Variants in TENM3 observed in about 807,000 individuals in gnomAD.
TENM3 encodes the protein teneurin-3.
In TENM3, 63 loss-of-function variants were observed where a neutral mutation model predicts 255.1. The observed-to-expected ratio is 0.25, with a 90% CI of 0.20 to 0.30. The LOEUF (loss-of-function observed/expected upper bound fraction) is 0.30. Ranked by LOEUF, TENM3 falls within the 10% of genes least tolerant of loss-of-function variation. The pLI is 1.00. For synonymous variants in TENM3, 1,306 were observed against 1,322.3 expected, an observed-to-expected ratio of 0.99 and a Z score of 0.27; for missense variants, 2,929 against 3,461.1, an observed-to-expected ratio of 0.85 and a Z score of 3.86.
upstream of TENM3, among the ~76,000 whole-genome samples, chr4:182,240,400 A>G (rs1757171703): frequency 6.6e-6 from 1 of 152,142 alleles, no homozygotes; most frequent in African/African-American, 2.4e-5. Context: ...CCCGGCTATC[A>G]TCATAACCTC....
At chr4:181,827,771 C>T in the TENM3 span, among the ~76,000 whole-genome samples, 4 of 152,108 alleles carry the variant, frequency 2.6e-5, no homozygotes, top group Non-Finnish European at 5.9e-5. Flanking sequence ...GAGAGCAGGA[C>T]GATGCCTACC....
chr4:182,116,633 T>C, the TENM3 span, among the ~76,000 whole-genome samples: 1 of 152,162 alleles, frequency 6.6e-6, no homozygotes, highest in Non-Finnish European at 1.5e-5. Context: ...GAACTGTGAG[T>C]CAATTAAGCC....
chr4:181,948,947 C>T, the TENM3 span, among the ~76,000 whole-genome samples: 1 of 152,002 alleles, frequency 6.6e-6, no homozygotes, highest in Non-Finnish European at 1.5e-5. Flanking sequence ...GAGGAACCAT[C>T]CTAAAAGGTC....
the TENM3 span, chr4:181,905,737 A>G: frequency 4.1e-6 from 1 of 244,664 alleles, no homozygotes; most frequent in Non-Finnish European, 8.0e-6. Context: ...AAAGCCTGGT[A>G]TGCTTCCTAA....
chr4:181,588,992 T>C, the TENM3 span, among the ~76,000 whole-genome samples: 1 of 152,320 alleles, frequency 6.6e-6, no homozygotes, highest in African/African-American at 2.4e-5. Context: ...TTCCACTCAG[T>C]GTATTTCATT....
chr4:182,298,620 G>A (rs1761644264), intron 1 of TENM3, among the ~76,000 whole-genome samples: 1 of 152,058 alleles, frequency 6.6e-6, no homozygotes, highest in African/African-American at 2.4e-5. Flanking sequence ...TTGAAAGGAA[G>A]AACTATATCA....
rs147315708 is a variant in TENM3 at position 182,441,176 on chromosome 4, T to C, written c.511+94247T>C. ...CATGTATTAAGTTTATGTTCGGTTT[T>C]ATAATCCTGTAATTTTTATAAACAA... On this transcript the variant is annotated intron_variant, in intron 3 of 27. Transcript: ENST00000511685. Among the ~76,000 whole-genome samples the C allele has an allele frequency of 5.9e-5, 9 of 152,288 alleles. No individual in the cohort carries two copies. The East Asian group carries it at 1.7e-3, about 29-fold the overall frequency.
intron 5 of TENM3, among the ~76,000 whole-genome samples, chr4:182,649,979 T>C (rs893971361): frequency 1.3e-5 from 2 of 150,528 alleles, no homozygotes; most frequent in Admixed American, 6.6e-5. Context: ...TTAACATCCA[T>C]TGCAAACTGC....
chr4:182,312,340 C>T (rs1445413573), intron 1 of TENM3, among the ~76,000 whole-genome samples: 2 of 152,038 alleles, frequency 1.3e-5, no homozygotes, highest in Non-Finnish European at 2.9e-5. Flanking sequence ...CCAGCCTGGG[C>T]AGCAGAGCGA....
chr4:182,054,605 A>C, the TENM3 span, among the ~76,000 whole-genome samples: 4 of 152,274 alleles, frequency 2.6e-5, no homozygotes, highest in African/African-American at 9.6e-5. Flanking sequence ...ATGTCATTAG[A>C]TTGGTTATAA....
intron 3 of TENM3, among the ~76,000 whole-genome samples, chr4:182,374,731 C>A (rs1422843499): frequency 2.0e-5 from 3 of 152,132 alleles, no homozygotes; most frequent in Non-Finnish European, 4.4e-5. Flanking sequence ...TTCTTCCTGT[C>A]TTTTGTCCTT....
chr4:182,762,506 A>G (rs1329728400), intron 22 of TENM3, among the ~76,000 whole-genome samples: 1 of 152,226 alleles, frequency 6.6e-6, no homozygotes, highest in African/African-American at 2.4e-5. Flanking sequence ...CATGTTTTAC[A>G]ATCACAGAAC....
intron 5 of TENM3, among the ~76,000 whole-genome samples, chr4:182,653,413 G>T (rs1223191859): frequency 6.6e-6 from 1 of 152,170 alleles, no homozygotes; most frequent in Non-Finnish European, 1.5e-5. Flanking sequence ...CAAGTGACCT[G>T]TGGTCTAGTA....
Position 182,799,669 on chromosome 4 carries a change from T to A in TENM3, c.7418T>A (p.Val2473Glu). 1 of 1,548,182 alleles carries A rather than the reference T, an allele frequency of 6.5e-7. No homozygotes were observed. The highest frequency in any genetic ancestry group is 1.2e-5 in the South Asian group (1 of 84,032). Residue 2473 changes from valine to glutamate, a missense_variant, in exon 28 of 28, where the codon GTG (valine) becomes GAG (glutamate). By Grantham distance (121) the Val-to-Glu change is moderately radical. This residue lies in a region of TENM3 where 476 missense variants were observed against 480.1 expected (regional missense o/e 0.99). Transcript: ENST00000511685. The surrounding 1 kb of genome is among the most constrained non-coding windows in gnomAD (Gnocchi z 4.2). Reference protein sequence around the residue: ...AFLSLGKMAEVQVSRRRAGGA... With the variant: ...AFLSLGKMAEEQVSRRRAGGA... ...CTGTCGCTGGGGAAGATGGCCGAGG[T>A]GCAGGTGAGCCGGCGCCGGGCCGGC...
chr4:181,745,699 T>C, the TENM3 span, among the ~76,000 whole-genome samples: 1 of 152,176 alleles, frequency 6.6e-6, no homozygotes, highest in Admixed American at 6.5e-5. Context: ...GTTAATGCTA[T>C]GTACAAGGTC....
At chr4:181,801,690 A>ATAT in the TENM3 span, among the ~76,000 whole-genome samples, 2 of 115,998 alleles carry the variant, frequency 1.7e-5, no homozygotes, top group African/African-American at 6.4e-5. Context: ...ATATATATAT[A>ATAT]TATATATGCA....
At position 182,147,906 on chromosome 4, in the gene TENM3, C is replaced by T. The variant is rs555178840; in HGVS notation, c.-76+3152C>T. ...ACAATATTACGTTATTTAAAAGTTT[C>T]GACAACTAAGTTTTAAAAATTATTT... On this transcript the variant is annotated intron_variant, in intron 1 of 2. Coordinates refer to the TENM3 transcript ENST00000512480. 8.6e-5 allele frequency among the ~76,000 whole-genome samples: 13 copies of T among 152,002 alleles called. No individual in the cohort carries two copies. The East Asian group carries it at 1.9e-3, about 23-fold the overall frequency.
chr4:182,014,216 G>A, the TENM3 span, among the ~76,000 whole-genome samples: 1 of 150,208 alleles, frequency 6.7e-6, no homozygotes, highest in East Asian at 2.0e-4. Context: ...TGTTAAAACT[G>A]TTGGTACCCT....
intron 2 of TENM3, among the ~76,000 whole-genome samples, chr4:182,342,462 G>C (rs924775989): frequency 6.6e-6 from 1 of 151,932 alleles, no homozygotes; most frequent in African/African-American, 2.4e-5. Flanking sequence ...AGGGCTGGGG[G>C]TGGGAGGGGT....
Sources: gnomAD v4.1 joint callset for allele counts (sites outside exome capture counted in the v4.1 genomes callset) on GRCh38, gnomAD v4.1.1 for gene constraint, gnomAD v4.1.1 regional missense constraint, Gnocchi (gnomAD v3.1) non-coding constraint, MANE v1.5 for transcripts, NCBI Gene and HGNC (gene_info 2026-07-23, HGNC 2026-07-21) for gene names.